Variants in SRFBP1 observed in about 807,000 individuals in gnomAD.
SRFBP1 encodes serum response factor-binding protein 1.
SRFBP1 carries 47 observed loss-of-function variants against 45.5 expected under a neutral mutation model. That is an observed-to-expected ratio of 1.03 (90% CI 0.82 to 1.32). The LOEUF is 1.32. Among genes scored for constraint, SRFBP1 ranks in the 40% most tolerant of loss-of-function variants. The pLI, the probability that SRFBP1 is intolerant of heterozygous loss-of-function variation, is 0.00. For synonymous variants in SRFBP1, 203 were observed against 166.3 expected (o/e 1.22, Z -1.70); for missense variants, 621 against 484.6 (o/e 1.28, Z -2.64).
At chr5:121,994,470 G>A (rs1752678213) in intron 3 of SRFBP1, 129 bp from the exon 4 acceptor site, 1 of 634,830 alleles carries the variant, frequency 1.6e-6, no homozygotes, top group African/African-American at 1.9e-5. Context: ...CATATTTTAT[G>A]GGAGTTAATT....
intron 1 of SRFBP1, among the ~76,000 whole-genome samples, chr5:121,967,695 C>T (rs1347052772): frequency 6.6e-6 from 1 of 151,996 alleles, no homozygotes; most frequent in Non-Finnish European, 1.5e-5. Context: ...ATTAGCCAAA[C>T]ATGGTAGTAC....
At chr5:121,963,026 G>A (rs1356446508) in intron 1 of SRFBP1, among the ~76,000 whole-genome samples, 1 of 152,202 alleles carries the variant, frequency 6.6e-6, no homozygotes, top group Non-Finnish European at 1.5e-5. Context: ...TCCAAAGGCG[G>A]CAAAATGAAA....
rs184751861 is a variant in SRFBP1 at position 122,049,694 on chromosome 5, A to G, written n.312-25621A>G. On this transcript the variant is annotated intron_variant and non_coding_transcript_variant, in intron 2 of 2. Transcript: ENST00000504881. ...AAACTGTCTCTCAGACCACAGTGCAATCAAACTAGAACTCAGGATTAAGAA... is the reference window on the plus strand; with the variant it reads ...AAACTGTCTCTCAGACCACAGTGCAGTCAAACTAGAACTCAGGATTAAGAA... 5.9e-5 allele frequency among the ~76,000 whole-genome samples: 9 copies of G among 152,356 alleles called. No homozygotes were observed. In the East Asian group the frequency reaches 1.5e-3, roughly 26 times the overall value.
chr5:122,071,193 A>ATGTGTG lies in SRFBP1; in HGVS notation n.312-4100_312-4095dup, dbSNP rs35544795. Among the ~76,000 whole-genome samples, 1,330 of 149,926 alleles carry ATGTGTG rather than the reference A, an allele frequency of 8.9e-3. 22 individuals are homozygous for ATGTGTG. Among genetic ancestry groups the ATGTGTG allele is most frequent in the African/African-American group, 0.03 (1,214 of 40,858 alleles). On this transcript the variant is annotated intron_variant and non_coding_transcript_variant, in intron 2 of 2. Coordinates refer to the SRFBP1 transcript ENST00000504881. ...GGCAGGAACAATCGTAAACATTTAT[A>ATGTGTG]TGTGTGTGTGTGTGTGTGTGTGTGT...
At position 121,964,166 on chromosome 5, in the gene SRFBP1, A is replaced by G. The variant is rs190509577; in HGVS notation, c.36+2098A>G. On this transcript the variant is annotated intron_variant, in intron 1 of 7. Transcript: ENST00000339397. ...CAGCTACTGTACTAGCTTCCCAACTACTTACATTGACTCTTCTCAAACTTT... is the reference window on the plus strand; with the variant it reads ...CAGCTACTGTACTAGCTTCCCAACTGCTTACATTGACTCTTCTCAAACTTT... Among the ~76,000 whole-genome samples the G allele has an allele frequency of 2.7e-4, 41 of 151,732 alleles. No individual in the cohort carries two copies. In the East Asian group the frequency reaches 7.6e-3, roughly 28 times the overall value.
chr5:122,072,868 C>T (rs534656510), intron 2 of SRFBP1, among the ~76,000 whole-genome samples: 1 of 152,266 alleles, frequency 6.6e-6, no homozygotes, highest in East Asian at 1.9e-4. Context: ...CAGAGTGCCT[C>T]TTTTTGTAAA....
intron 4 of SRFBP1, among the ~76,000 whole-genome samples, chr5:122,002,695 CGAATATTGA>C (rs1050668778): frequency 2.2e-4 from 33 of 151,638 alleles, no homozygotes; most frequent in East Asian, 9.7e-4. Flanking sequence ...GAGAATATTG[CGAATATTGA>C]GAATATTGAG....
intron 4 of SRFBP1, among the ~76,000 whole-genome samples, chr5:122,013,324 T>G (rs534546014): frequency 6.6e-5 from 10 of 152,200 alleles, no homozygotes; most frequent in Admixed American, 5.9e-4. Context: ...TTATCAAAAT[T>G]TCATTTATAA....
intron 2 of SRFBP1, among the ~76,000 whole-genome samples, chr5:122,052,156 T>C (rs991436586): frequency 6.6e-6 from 1 of 152,204 alleles, no homozygotes; most frequent in Non-Finnish European, 1.5e-5. Context: ...ATGACCTGCC[T>C]CTTCTCTCTA....
intron 3 of SRFBP1, among the ~76,000 whole-genome samples, chr5:121,986,849 G>A (rs1452332639): frequency 1.3e-5 from 2 of 152,210 alleles, no homozygotes; most frequent in Admixed American, 6.5e-5. Flanking sequence ...AAACTTTTTA[G>A]AATGACAGAA....
At chr5:122,060,180 T>C (rs1754148699) in intron 2 of SRFBP1, among the ~76,000 whole-genome samples, 1 of 152,084 alleles carries the variant, frequency 6.6e-6, no homozygotes, top group African/African-American at 2.4e-5. Flanking sequence ...TAGTTCTTTC[T>C]GGAGAGAAAG....
downstream of SRFBP1, chr5:122,077,338 G>T (rs910089581): frequency 1.2e-6 from 2 of 1,613,432 alleles, no homozygotes; most frequent in African/African-American, 1.3e-5. This position sits in a 1 kb window ranked among gnomAD's most constrained non-coding sequence, Gnocchi z 4.9. Flanking sequence ...GCTTCCAGCG[G>T]ACTTGGGGGT....
intron 7 of SRFBP1, 24 bp downstream of exon 7, chr5:122,022,431 C>T (rs757327493): frequency 8.1e-6 from 13 of 1,596,704 alleles, no homozygotes; most frequent in Non-Finnish European, 1.1e-5. Flanking sequence ...GTTGCCTGAC[C>T]TTCATATGCA....
At chr5:122,014,963 A>T (rs1327969443) in intron 4 of SRFBP1, among the ~76,000 whole-genome samples, 1 of 152,214 alleles carries the variant, frequency 6.6e-6, no homozygotes, top group East Asian at 1.9e-4. Flanking sequence ...TTTAATCAAA[A>T]TCTGGTTAGG....
rs762813206 is a variant in SRFBP1, at chr5:122,066,759, GAAGACAAAAT to G, written n.312-8547_312-8538del. ...CTTTGCCTTCTAATACCTAGATTAA[GAAGACAAAAT>G]AAGACAAATTATTAACCTGATAATA... On this transcript the variant is annotated intron_variant and non_coding_transcript_variant, in intron 2 of 2. Coordinates refer to the SRFBP1 transcript ENST00000504881. 89 of 1,572,438 alleles carry G rather than the reference GAAGACAAAAT, an allele frequency of 5.7e-5. 1 individual carries two copies. The South Asian group carries it at 9.2e-4, about 16-fold the overall frequency.
chr5:122,052,650 C>T (rs1348142005), intron 2 of SRFBP1, among the ~76,000 whole-genome samples: 4 of 152,146 alleles, frequency 2.6e-5, no homozygotes, highest in East Asian at 1.9e-4. Context: ...GCTCCTGTAT[C>T]GTTTTACAGT....
intron 2 of SRFBP1, chr5:122,070,446 C>A: frequency 2.0e-6 from 2 of 994,444 alleles, no homozygotes; most frequent in African/African-American, 1.6e-5. Context: ...AGAAGAGGGC[C>A]TATTGATCTG....
At chr5:121,978,697 G>T (rs1404736176) in intron 3 of SRFBP1, among the ~76,000 whole-genome samples, 1 of 152,056 alleles carries the variant, frequency 6.6e-6, no homozygotes, top group African/African-American at 2.4e-5. Flanking sequence ...TTGCCATGTT[G>T]GCCAGGCTGG....
At position 122,048,644 on chromosome 5, in the gene SRFBP1, G is replaced by A. The variant is rs139980005; in HGVS notation, n.311+26237G>A. Among the ~76,000 whole-genome samples the A allele has an allele frequency of 4.1e-3, 620 of 152,174 alleles. 15 individuals are homozygous for A. In the East Asian group the frequency reaches 0.053, roughly 13 times the overall value. ...GGTACCAGCTCCTCTTTGTACCTCT[G>A]GTAGAATTCAGCTGTGAATCCATCT... On this transcript the variant is annotated intron_variant and non_coding_transcript_variant, in intron 2 of 2. Transcript: ENST00000504881.
Sources: allele counts gnomAD v4.1 joint callset (sites outside exome capture counted in the v4.1 genomes callset), GRCh38; gene constraint gnomAD v4.1.1; non-coding constraint Gnocchi (gnomAD v3.1); transcripts MANE v1.5; gene names NCBI Gene and HGNC (gene_info 2026-07-23, HGNC 2026-07-21).